ZSWIM8: variants seen among roughly 807,000 people sequenced by gnomAD.
ZSWIM8 encodes zinc finger SWIM domain-containing protein 8.
Under a neutral mutation model 173.7 loss-of-function variants are expected in ZSWIM8, and 27 were observed. The observed-to-expected ratio is 0.16, with a 90% confidence interval of 0.11 to 0.21. The LOEUF is 0.21. ZSWIM8 is among the 10% of genes least tolerant of loss of function. The probability of loss-of-function intolerance (pLI) is 1.00; values close to 1 mark genes in which losing one functional copy is unlikely to be tolerated. For synonymous variants in ZSWIM8, 958 were observed against 962.0 expected, an observed-to-expected ratio of 1.00 and a Z score of 0.08; for missense variants, 1,627 against 2,428.8, an observed-to-expected ratio of 0.67 and a Z score of 6.94.
intron 21 of ZSWIM8, 61 bp from the exon 22 acceptor site, chr10:73,799,950 A>C: frequency 6.4e-7 from 1 of 1,552,752 alleles, no homozygotes; most frequent in Admixed American, 1.7e-5. Context: ...GTGGGGGTGA[A>C]GCACGACAGC....
At chr10:73,786,181 C>G (rs867270843) in intron 1 of ZSWIM8, 95 bp downstream of exon 1, 1 of 1,306,768 alleles carries the variant, frequency 7.7e-7, no homozygotes, top group Non-Finnish European at 1.0e-6. Context: ...ACCAAGAGCT[C>G]TCTTCAACCA....
Position 73,800,467 on chromosome 10 carries a change from G to A in ZSWIM8, c.4997G>A (p.Arg1666His). 4.3e-6 allele frequency: 7 copies of A among 1,613,624 alleles called. No individual in the cohort carries two copies. The highest frequency in any genetic ancestry group is 2.2e-5 in the East Asian group (1 of 44,882). Reference sequence around the variant, plus strand: ...CTGCACCACCTGCATGCTGCCTACCGTGTCGGTGAGAGGACATCCCTTTCT... The same window carrying A: ...CTGCACCACCTGCATGCTGCCTACCATGTCGGTGAGAGGACATCCCTTTCT... ...HSLHHLHAAY[R>H]VGMLALEMLG... The change falls in exon 23 of 26, where the codon CGT (arginine) becomes CAT (histidine). Residue 1666 changes from arginine (R) to histidine (H), a missense_variant. Transcript: ENST00000604729. The surrounding 1 kb of genome is among the most constrained non-coding windows in gnomAD (Gnocchi z 4.1).
intron 21 of ZSWIM8, chr10:73,799,759 C>T (rs886773035): frequency 4.8e-6 from 3 of 627,108 alleles, no homozygotes; most frequent in East Asian, 2.8e-5. Context: ...GGGGAAACCC[C>T]GTCTCTACTA....
rs370932718 is a variant in ZSWIM8, at chr10:73,791,546, C to T, written c.1319+47C>T. 6.9e-5 allele frequency: 105 copies of T among 1,515,784 alleles called. No individual in the cohort carries two copies. The highest frequency in any genetic ancestry group is 8.8e-5 in the Non-Finnish European group (99 of 1,125,986). The allele number at this position is 1,515,784 out of a possible 1,614,324, so 93.9% of individuals were successfully genotyped here. A position where few individuals can be genotyped will look rare whatever the true frequency, so the allele number is the denominator to read the frequency against. ...CCACAGAACTGAGCCTGGGCCAGCT[C>T]AGGACAGACTGAGCCTTCATCTCCT... is the stretch of plus-strand genomic sequence containing the variant. On this transcript the variant is annotated intron_variant, in intron 9 of 25. Transcript: ENST00000604729. This position sits in a 1 kb window ranked among gnomAD's most constrained non-coding sequence, Gnocchi z 6.0.
At position 73,801,606 on chromosome 10, in the gene ZSWIM8, A is replaced by G. The variant is rs1465272197; in HGVS notation, c.*87A>G. The G allele has an allele frequency of 1.9e-6, 3 of 1,552,096 alleles. No homozygotes were observed. The highest frequency in any genetic ancestry group is 2.6e-6 in the Non-Finnish European group (3 of 1,153,668). On this transcript the variant is annotated 3_prime_UTR_variant, in exon 26 of 26. Coordinates refer to ENST00000604729, the MANE Select transcript of ZSWIM8 (RefSeq NM_001367799.1). This position sits in a 1 kb window ranked among gnomAD's most constrained non-coding sequence, Gnocchi z 4.9. ...CAGGGGGAGTGAAACTTGGCTGGAC[A>G]GATCATCCTCACTCAGTTCCCTGGT...
rs2083746648 is a variant in ZSWIM8 at position 73,798,003 on chromosome 10, C to T, written c.3885C>T (p.Gly1295=). 6.2e-7 allele frequency: 1 copy of T among 1,613,930 alleles called. No individual in the cohort carries two copies. Among genetic ancestry groups the T allele is most frequent in the Non-Finnish European group, 8.5e-7 (1 of 1,179,900 alleles). ...CAFEIGLYAL[G]LHNFVSPNWL... is the part of the protein sequence containing the mutation. ...TCGAGATTGGGCTTTATGCCCTTGG[C>T]CTGCACAACTTTGTTTCTCCCAACT... Residue 1295 remains glycine, a synonymous_variant, in exon 19 of 26, where the codon GGC becomes GGT. Coordinates refer to ENST00000604729, the MANE Select transcript of ZSWIM8 (RefSeq NM_001367799.1).
Position 73,791,871 on chromosome 10 carries a change from G to A in ZSWIM8, c.1332G>A (p.Leu444=). ...PALSPQRRRE[L]CTQLRQWQLK... ...CTTGTTCCCACAGGCGCCGGGAACT[G>A]TGTACGCAGCTGCGGCAGTGGCAAC... The change falls in exon 10 of 26, where the codon CTG becomes CTA. Residue 444 remains leucine, a synonymous_variant. Coordinates refer to ENST00000604729, the MANE Select transcript of ZSWIM8 (RefSeq NM_001367799.1). The surrounding 1 kb of genome is among the most constrained non-coding windows in gnomAD (Gnocchi z 6.0). 6.5e-7 allele frequency: 1 copy of A among 1,529,766 alleles called. No individual in the cohort carries two copies. Among genetic ancestry groups the A allele is most frequent in the Non-Finnish European group, 8.8e-7 (1 of 1,132,714 alleles). The allele number at this position is 1,529,766 out of a possible 1,614,324, so 94.8% of individuals were successfully genotyped here.
rs552945946 is a variant in ZSWIM8, at chr10:73,792,451, G to A, written c.1912G>A (p.Gly638Arg). Reference protein sequence around the residue: ...LALGAEASTFGGFPESPPPCP... With the variant: ...LALGAEASTFRGFPESPPPCP... The stretch of plus-strand genomic sequence containing the variant: ...CCTGGGCGCAGAGGCCAGCACCTTC[G>A]GGGGATTCCCTGAGAGCCCTCCACC... The change falls in exon 10 of 26, where the codon GGG (glycine) becomes AGG (arginine). Residue 638 changes from glycine (G) to arginine (R), a missense_variant. By Grantham distance (125) the Gly-to-Arg change is moderately radical (BLOSUM62 -2). Coordinates refer to ENST00000604729, the MANE Select transcript of ZSWIM8 (RefSeq NM_001367799.1). The surrounding 1 kb of genome is among the most constrained non-coding windows in gnomAD (Gnocchi z 4.3). The A allele has an allele frequency of 8.1e-6, 13 of 1,607,176 alleles. No homozygotes were observed. The highest frequency in any genetic ancestry group is 3.3e-5 in the South Asian group (3 of 90,138).
At chr10:73,795,472 C>A in intron 14 of ZSWIM8, 67 bp from the exon 15 acceptor site, 1 of 1,597,466 alleles carries the variant, frequency 6.3e-7, no homozygotes, top group Admixed American at 1.7e-5. Flanking sequence ...GGAACCCTGG[C>A]CTCTTACCTT....
rs777306062 is a variant in ZSWIM8 at position 73,800,464 on chromosome 10, A to G, written c.4994A>G (p.Tyr1665Cys). 1.2e-6 allele frequency: 2 copies of G among 1,613,582 alleles called. No homozygotes were observed. Among genetic ancestry groups the G allele is most frequent in the East Asian group, 2.2e-5 (1 of 44,866 alleles). The change falls in exon 23 of 26, where the codon TAC becomes TGC. Residue 1665 changes from tyrosine (Y) to cysteine (C), a missense_variant. This residue lies in a region of ZSWIM8 where 9 missense variants were observed against 27.3 expected (regional missense o/e 0.33). Coordinates refer to ENST00000604729, the MANE Select transcript of ZSWIM8 (RefSeq NM_001367799.1). The surrounding 1 kb of genome is among the most constrained non-coding windows in gnomAD (Gnocchi z 4.1). ...AGCCTGCACCACCTGCATGCTGCCT[A>G]CCGTGTCGGTGAGAGGACATCCCTT... ...PHSLHHLHAAYRVGMLALEML... is the reference protein window; with the variant it reads ...PHSLHHLHAACRVGMLALEML...
At chr10:73,787,838 G>C (rs2083279383) in intron 1 of ZSWIM8, among the ~76,000 whole-genome samples, 1 of 152,088 alleles carries the variant, frequency 6.6e-6, no homozygotes, top group African/African-American at 2.4e-5. Flanking sequence ...GGGTGACAGA[G>C]TGAGACTTCA....
chr10:73,786,089 G>A lies in ZSWIM8; in HGVS notation c.208+3G>A. On this transcript the variant is annotated splice_donor_region_variant and intron_variant, in intron 1 of 25. Transcript: ENST00000604729. Reference sequence around the variant, plus strand: ...CAGTGGCGGTACCAGAATGCGAGGTGAGAGTGAGCTGGGGGGAAGAGGAGC... The same window carrying A: ...CAGTGGCGGTACCAGAATGCGAGGTAAGAGTGAGCTGGGGGGAAGAGGAGC... 1 of 1,564,162 alleles carries A rather than the reference G, an allele frequency of 6.4e-7. No homozygotes were observed. Among genetic ancestry groups the A allele is most frequent in the Non-Finnish European group, 8.7e-7 (1 of 1,152,856 alleles).
rs2292307 is a variant in ZSWIM8 at position 73,790,158 on chromosome 10, C to G, written c.821-14C>G. On this transcript the variant is annotated splice_polypyrimidine_tract_variant and intron_variant, in intron 6 of 25. Transcript: ENST00000604729. ...GCCCCTATCTCTAGATGACTGACTG[C>G]CTGTCATCCTCAGACCCCACAGCAG... 1.8e-5 allele frequency: 29 copies of G among 1,610,210 alleles called. No homozygotes were observed. Among genetic ancestry groups the G allele is most frequent in the Non-Finnish European group, 2.5e-5 (29 of 1,177,788 alleles).
rs781016602 is a variant in ZSWIM8 at position 73,798,984 on chromosome 10, T to C, written c.4177-18T>C. ...TAAAGGCCTTTCCCCCTTAACACTCTGTGCCCCTCTCTTCCAGGACAACCT... is the reference window on the plus strand; with the variant it reads ...TAAAGGCCTTTCCCCCTTAACACTCCGTGCCCCTCTCTTCCAGGACAACCT... On this transcript the variant is annotated intron_variant, in intron 20 of 25. Transcript: ENST00000604729. The C allele has an allele frequency of 1.3e-5, 21 of 1,593,890 alleles. No homozygotes were observed. Among genetic ancestry groups the C allele is most frequent in the Non-Finnish European group, 1.7e-5 (20 of 1,168,068 alleles).
chr10:73,794,830 G>A (rs562736522), intron 14 of ZSWIM8, 191 bp downstream of exon 14: 1 of 433,982 alleles, frequency 2.3e-6, no homozygotes, highest in East Asian at 4.9e-5. Flanking sequence ...GCCCATGCTT[G>A]TAATCGCAGC....
At chr10:73,794,505 C>CTTCT in intron 13 of ZSWIM8, 36 bp from the exon 14 acceptor site, 1 of 1,566,586 alleles carries the variant, frequency 6.4e-7, no homozygotes, top group Non-Finnish European at 8.7e-7. Context: ...ATGCATGATA[C>CTTCT]TTCTGTCTGC....
Position 73,789,489 on chromosome 10 carries a change from G to A in ZSWIM8, c.580G>A (p.Ala194Thr). Residue 194 changes from alanine to threonine, a missense_variant, in exon 4 of 26, where the codon GCC (alanine) becomes ACC (threonine). By Grantham distance (58) the Ala-to-Thr change is moderately conservative. Around this residue, in one of 18 missense-constraint regions of ZSWIM8, gnomAD observed 39 missense variants for 154.0 expected, o/e 0.25. Coordinates refer to ENST00000604729, the MANE Select transcript of ZSWIM8 (RefSeq NM_001367799.1). This position sits in a 1 kb window ranked among gnomAD's most constrained non-coding sequence, Gnocchi z 6.8. ...CTGCAGCTGTACCTGTGGGGCTGGG[G>A]CCAAATGGTGCACCCACGTCGTGGC... ...TSCSCTCGAG[A>T]KWCTHVVALC... 6.2e-7 allele frequency: 1 copy of A among 1,613,194 alleles called. No homozygotes were observed. The highest frequency in any genetic ancestry group is 8.5e-7 in the Non-Finnish European group (1 of 1,179,632).
rs1406227673 is a variant in ZSWIM8 at position 73,791,303 on chromosome 10, C to T, written c.1144-21C>T. Reference sequence around the variant, plus strand: ...TTTCTCTGAGCTCTCAGGTGCAGCTCACAGCCTTCTTTGTCTCCAGATAAC... The same window carrying T: ...TTTCTCTGAGCTCTCAGGTGCAGCTTACAGCCTTCTTTGTCTCCAGATAAC... On this transcript the variant is annotated intron_variant, in intron 8 of 25. Transcript: ENST00000604729. The surrounding 1 kb of genome is among the most constrained non-coding windows in gnomAD (Gnocchi z 6.0). 1.3e-6 allele frequency: 2 copies of T among 1,592,328 alleles called. No individual in the cohort carries two copies. Among genetic ancestry groups the T allele is most frequent in the Admixed American group, 3.4e-5 (2 of 59,450 alleles).
rs1208196720 is a variant in ZSWIM8 at position 73,792,353 on chromosome 10, G to C, written c.1814G>C (p.Arg605Pro). ...SKGSAGGGSKRRLSSEDSSLE... is the reference protein window; with the variant it reads ...SKGSAGGGSKPRLSSEDSSLE... ...GGCTCAGCAGGTGGCGGAAGCAAGCGACGGCTGAGCAGCGAAGACAGCTCC... is the reference window on the plus strand; with the variant it reads ...GGCTCAGCAGGTGGCGGAAGCAAGCCACGGCTGAGCAGCGAAGACAGCTCC... Residue 605 changes from arginine (R) to proline (P), a missense_variant, in exon 10 of 26, where the codon CGA (arginine) becomes CCA (proline). Arg to Pro is a moderately radical substitution (Grantham distance 103). Around this residue, in one of 18 missense-constraint regions of ZSWIM8, gnomAD observed 383 missense variants for 394.8 expected, o/e 0.97. Transcript: ENST00000604729. This position sits in a 1 kb window ranked among gnomAD's most constrained non-coding sequence, Gnocchi z 4.3. 2 of 1,611,570 alleles carry C rather than the reference G, an allele frequency of 1.2e-6. No homozygotes were observed. Among genetic ancestry groups the C allele is most frequent in the African/African-American group, 1.3e-5 (1 of 74,864 alleles).
Sources: allele counts gnomAD v4.1 joint callset (sites outside exome capture counted in the v4.1 genomes callset), GRCh38; gene constraint gnomAD v4.1.1; regional missense constraint gnomAD v4.1.1; non-coding constraint Gnocchi (gnomAD v3.1); transcripts MANE v1.5; gene names NCBI Gene and HGNC (gene_info 2026-07-23, HGNC 2026-07-21).